The following HS3ST5 variants were observed in gnomAD, a reference collection of about 807,000 sequenced individuals.
The protein encoded by HS3ST5 is heparan sulfate glucosamine 3-O-sulfotransferase 5.
A neutral mutation model predicts 25.4 loss-of-function variants in HS3ST5; 10 were observed. The observed-to-expected ratio is 0.39, with a 90% CI of 0.24 to 0.67. The LOEUF (loss-of-function observed/expected upper bound fraction) is 0.67. Among genes scored for constraint, HS3ST5 ranks in the 30% least tolerant of loss-of-function variants. HS3ST5 has a pLI of 0.44. For synonymous variants in HS3ST5, 170 were observed against 162.4 expected, an observed-to-expected ratio of 1.05 and a Z score of -0.36; for missense variants, 324 against 420.7, an observed-to-expected ratio of 0.77 and a Z score of 2.01.
intron 3 of HS3ST5, among the ~76,000 whole-genome samples, chr6:114,097,944 T>C (rs998933542): frequency 6.6e-6 from 1 of 152,018 alleles, no homozygotes; most frequent in Non-Finnish European, 1.5e-5. Context: ...TATGTGTAGA[T>C]ATGTATTTTC....
At chr6:114,324,959 A>G (rs1343425899) in intron 1 of HS3ST5, among the ~76,000 whole-genome samples, 1 of 152,224 alleles carries the variant, frequency 6.6e-6, no homozygotes, top group Non-Finnish European at 1.5e-5. Flanking sequence ...CTAGGAAATG[A>G]TTATACTTGC....
chr6:114,092,516 A>G (rs184619015), intron 3 of HS3ST5, among the ~76,000 whole-genome samples: 1 of 152,368 alleles, frequency 6.6e-6, no homozygotes, highest in African/African-American at 2.4e-5. Context: ...ACAAGAGGTT[A>G]GAGAAAGTCA....
At chr6:114,302,375 G>A (rs1775114454) in intron 1 of HS3ST5, among the ~76,000 whole-genome samples, 2 of 152,142 alleles carry the variant, frequency 1.3e-5, no homozygotes, top group East Asian at 1.9e-4. Flanking sequence ...GAAAGTCATA[G>A]TTAAGTTTAT....
At chr6:114,065,676 T>C (rs1251524820) in intron 3 of HS3ST5, among the ~76,000 whole-genome samples, 1 of 152,238 alleles carries the variant, frequency 6.6e-6, no homozygotes, top group African/African-American at 2.4e-5. Flanking sequence ...TTAGCATGAC[T>C]GAATTTAGTG....
intron 1 of HS3ST5, among the ~76,000 whole-genome samples, chr6:114,310,863 A>G (rs1285062091): frequency 1.3e-5 from 2 of 152,150 alleles, no homozygotes; most frequent in African/African-American, 4.8e-5. Context: ...ATGTAAACTC[A>G]CTTAAGGCCT....
intron 3 of HS3ST5, chr6:114,167,813 A>G (rs1779287195): frequency 6.6e-6 from 1 of 152,226 alleles, no homozygotes; most frequent in Admixed American, 6.5e-5. Context: ...GGAGGTATAC[A>G]ACAAGTTCTA....
chr6:114,327,642 G>A (rs1332732901), intron 1 of HS3ST5, among the ~76,000 whole-genome samples: 1 of 150,878 alleles, frequency 6.6e-6, no homozygotes, highest in Non-Finnish European at 1.5e-5. Context: ...CAAACATAAG[G>A]TCCAGACATG....
intron 3 of HS3ST5, among the ~76,000 whole-genome samples, chr6:114,086,068 A>C (rs1051938312): frequency 4.6e-5 from 7 of 151,950 alleles, no homozygotes; most frequent in African/African-American, 1.5e-4. Context: ...AGGAAAAAAA[A>C]CGGTTCTATT....
At chr6:114,189,546 T>G (rs776168834) in intron 2 of HS3ST5, among the ~76,000 whole-genome samples, 16 of 152,202 alleles carry the variant, frequency 1.1e-4, no homozygotes, top group Non-Finnish European at 1.9e-4. Flanking sequence ...TTTCCATCTC[T>G]TTATTATTTT....
rs1361557766 is a variant in HS3ST5, at chr6:114,270,494, A to G, written c.-338-41716T>C. ...TGATGCATGCTCCTAGTCATCTGAC[A>G]TGATCCTAAAGTACTGAAATAAATT... On this transcript the variant is annotated intron_variant, in intron 1 of 4. Transcript: ENST00000312719. 2.0e-5 allele frequency among the ~76,000 whole-genome samples: 3 copies of G among 152,214 alleles called. No individual in the cohort carries two copies. The East Asian group carries it at 5.8e-4, about 29-fold the overall frequency.
At chr6:114,076,051 C>T (rs1251554797) in intron 3 of HS3ST5, among the ~76,000 whole-genome samples, 1 of 152,132 alleles carries the variant, frequency 6.6e-6, no homozygotes, top group Non-Finnish European at 1.5e-5. Context: ...CAATAGATTA[C>T]TGAGGGAAAT....
intron 1 of HS3ST5, among the ~76,000 whole-genome samples, chr6:114,341,181 G>GGAGAGA (rs149684447): frequency 0.36 from 42,957 of 117,942 alleles, 9,234 homozygotes; most frequent in African/African-American, 0.45. Flanking sequence ...GGAGGGAGAG[G>GGAGAGA]GAGAGGGAGA....
chr6:114,278,183 T>C (rs546907575), intron 1 of HS3ST5, among the ~76,000 whole-genome samples: 4 of 151,982 alleles, frequency 2.6e-5, no homozygotes, highest in Non-Finnish European at 5.9e-5. Context: ...ATTATTCTTA[T>C]GCGATTTATA....
intron 1 of HS3ST5, among the ~76,000 whole-genome samples, chr6:114,337,164 G>A (rs1776642040): frequency 6.6e-6 from 1 of 152,130 alleles, no homozygotes; most frequent in Non-Finnish European, 1.5e-5. Flanking sequence ...AATGTCCTGA[G>A]ATCATCATGA....
chr6:114,078,934 T>C (rs759168474), intron 3 of HS3ST5, among the ~76,000 whole-genome samples: 1 of 152,238 alleles, frequency 6.6e-6, no homozygotes, highest in Non-Finnish European at 1.5e-5. Context: ...TTCCCAAGCA[T>C]ATAAAAGTTA....
rs75215878 is a variant in HS3ST5 at position 114,298,545 on chromosome 6, C to T, written c.-339+43650G>A. Among the ~76,000 whole-genome samples the T allele has an allele frequency of 9.3e-3, 1,411 of 152,304 alleles. 18 individuals carry two copies. The highest frequency in any genetic ancestry group is 0.032 in the African/African-American group (1,335 of 41,554). ...AAAACACACACAAAACATCATATAA[C>T]TTGCCCAAACTCATACGGCCAAGTG... On this transcript the variant is annotated intron_variant, in intron 1 of 4. Transcript: ENST00000312719.
At chr6:114,268,070 C>T (rs1773484741) in intron 1 of HS3ST5, among the ~76,000 whole-genome samples, 1 of 152,180 alleles carries the variant, frequency 6.6e-6, no homozygotes, top group Non-Finnish European at 1.5e-5. Flanking sequence ...TGCCCACTTC[C>T]TCAACCTATG....
chr6:114,341,732 T>C (rs1261889252), intron 1 of HS3ST5, among the ~76,000 whole-genome samples: 1 of 152,100 alleles, frequency 6.6e-6, no homozygotes, highest in East Asian at 1.9e-4. Context: ...GCCCTCTGCC[T>C]GTCCTCTGCT....
chr6:114,139,090 C>G (rs1777775798), intron 3 of HS3ST5, among the ~76,000 whole-genome samples: 1 of 152,198 alleles, frequency 6.6e-6, no homozygotes, highest in African/African-American at 2.4e-5. Flanking sequence ...ACTTTGCCAA[C>G]AGCAGCACCA....
Sources: allele counts gnomAD v4.1 joint callset (sites outside exome capture counted in the v4.1 genomes callset), GRCh38; gene constraint gnomAD v4.1.1; transcripts MANE v1.5; gene names NCBI Gene and HGNC (gene_info 2026-07-23, HGNC 2026-07-21).